ITGA1: variants seen among roughly 807,000 people sequenced by gnomAD.
ITGA1 encodes integrin alpha-1.
A neutral mutation model predicts 145.9 loss-of-function variants in ITGA1; 85 were observed. The observed-to-expected ratio is 0.58, with a 90% confidence interval of 0.49 to 0.70. ITGA1 has a LOEUF of 0.70. Ranked by LOEUF, ITGA1 falls within the 30% of genes least tolerant of loss-of-function variation. ITGA1 has a pLI of 0.00. For missense variants in ITGA1, 1,351 were observed against 1,418.7 expected (o/e 0.95, Z 0.77); for synonymous variants, 520 against 495.3 (o/e 1.05, Z -0.66).
At chr5:52,831,610 A>C (rs1210737369) in intron 1 of ITGA1, among the ~76,000 whole-genome samples, 1 of 152,044 alleles carries the variant, frequency 6.6e-6, no homozygotes, top group East Asian at 1.9e-4. Context: ...TATGGCTCCT[A>C]AGAATTTTTT....
chr5:52,934,030 G>A (rs1248782374), intron 23 of ITGA1, 34 bp downstream of exon 23: 1 of 867,736 alleles, frequency 1.2e-6, no homozygotes, highest in African/African-American at 1.7e-5. Flanking sequence ...TATTCTAAAG[G>A]AGTTATTTGT....
chr5:52,887,969 AGT>A lies in ITGA1; in HGVS notation c.924+9_924+10del. ...CATTCAACGGTTTTCCATAGCTGTA[AGT>A]GTGTTGCCGGAGATATTTTCAAACT... On this transcript the variant is annotated splice_donor_5th_base_variant and intron_variant, in intron 8 of 28. Transcript: ENST00000282588. The A allele has an allele frequency of 1.2e-6, 2 of 1,611,008 alleles. No homozygotes were observed. The highest frequency in any genetic ancestry group is 1.7e-6 in the Non-Finnish European group (2 of 1,177,800).
chr5:52,801,522 C>G, intron 1 of ITGA1: 2 of 1,614,136 alleles, frequency 1.2e-6, no homozygotes, highest in Non-Finnish European at 1.7e-6. Flanking sequence ...CCTTGGATGA[C>G]TTCTATAAAA....
In ITGA1 at chr5:52,821,046, T is replaced by C. The variant is rs10055613; in HGVS notation, c.62-28319T>C. Among the ~76,000 whole-genome samples, 1,015 of 152,290 alleles carry C rather than the reference T, an allele frequency of 6.7e-3. 12 individuals are homozygous for C. Among genetic ancestry groups the C allele is most frequent in the African/African-American group, 0.023 (965 of 41,562 alleles). On this transcript the variant is annotated intron_variant, in intron 1 of 28. Coordinates refer to ENST00000282588, the MANE Select transcript of ITGA1 (RefSeq NM_181501.2). ...TGTGTATGTGCATGTGTTTCTGCCA[T>C]TACAGTCATTGTATGAAACAATTAT...
chr5:52,896,306 G>A (rs748404856), intron 9 of ITGA1, among the ~76,000 whole-genome samples: 13 of 152,146 alleles, frequency 8.5e-5, no homozygotes, highest in Middle Eastern at 3.2e-3. Flanking sequence ...GCAGGTTTCC[G>A]TTGCTGCATT....
intron 23 of ITGA1, among the ~76,000 whole-genome samples, chr5:52,936,968 G>T (rs770767938): frequency 6.6e-6 from 1 of 151,460 alleles, no homozygotes. Context: ...AAGGAATTAT[G>T]GCAAACTGGG....
intron 1 of ITGA1, 29 bp from the exon 2 acceptor site, chr5:52,849,336 T>C (rs1749389568): frequency 1.3e-6 from 2 of 1,577,670 alleles, no homozygotes; most frequent in African/African-American, 2.7e-5. Context: ...GTTAACTCTA[T>C]GTAACTGGAT....
In ITGA1 at chr5:52,952,508, C is replaced by G. The variant is rs1343097438; in HGVS notation, c.*57C>G. On this transcript the variant is annotated 3_prime_UTR_variant, in exon 29 of 29. Coordinates refer to ENST00000282588, the MANE Select transcript of ITGA1 (RefSeq NM_181501.2). ...TTCAATAATCTATCCTCAGGTTTGCCTCAAATATGTGACAAGAAATGTATA... is the reference window on the plus strand; with the variant it reads ...TTCAATAATCTATCCTCAGGTTTGCGTCAAATATGTGACAAGAAATGTATA... The G allele has an allele frequency of 1.3e-6, 1 of 781,456 alleles. No individual in the cohort carries two copies. The highest frequency in any genetic ancestry group is 2.0e-6 in the Non-Finnish European group (1 of 498,020). The allele number at this position is 781,456 out of a possible 1,614,324, so 48.4% of individuals were successfully genotyped here. A position where few individuals can be genotyped will look rare whatever the true frequency, so the allele number is the denominator to read the frequency against.
intron 1 of ITGA1, among the ~76,000 whole-genome samples, chr5:52,806,142 G>A (rs1405048497): frequency 2.6e-5 from 4 of 151,908 alleles, no homozygotes; most frequent in Non-Finnish European, 5.9e-5. Flanking sequence ...CAGTATTTTA[G>A]AAAAGTGCTC....
intron 1 of ITGA1, among the ~76,000 whole-genome samples, chr5:52,829,310 T>C (rs2456212): frequency 0.98 from 148,638 of 152,280 alleles, 72,696 homozygotes; most frequent in Non-Finnish European, 1. Flanking sequence ...TAGATCACTT[T>C]AGGCCAGGAG....
chr5:52,837,621 T>C (rs187715644), intron 1 of ITGA1, among the ~76,000 whole-genome samples: 2 of 152,094 alleles, frequency 1.3e-5, no homozygotes, highest in African/African-American at 4.8e-5. Flanking sequence ...ATCAGAATGC[T>C]TCCATTTAAG....
At chr5:52,913,261 C>T (rs1176934865) in intron 14 of ITGA1, among the ~76,000 whole-genome samples, 2 of 152,140 alleles carry the variant, frequency 1.3e-5, no homozygotes, top group African/African-American at 2.4e-5. Flanking sequence ...TATGACTTAA[C>T]CAATAAAGGA....
chr5:52,882,975 G>A (rs1353252343), intron 7 of ITGA1: 1 of 152,170 alleles, frequency 6.6e-6, no homozygotes, highest in African/African-American at 2.4e-5. Flanking sequence ...TGCAAAGAAT[G>A]GATTGGATAT....
intron 1 of ITGA1, among the ~76,000 whole-genome samples, chr5:52,848,832 G>GT (rs1412720694): frequency 2.6e-5 from 4 of 151,544 alleles, no homozygotes; most frequent in Non-Finnish European, 5.9e-5. Flanking sequence ...GCGGTGTTTG[G>GT]TTTTTTGTCC....
At chr5:52,952,141 G>T (rs911349006) in intron 28 of ITGA1, among the ~76,000 whole-genome samples, 5 of 148,176 alleles carry the variant, frequency 3.4e-5, no homozygotes, top group African/African-American at 1.2e-4. Context: ...AGTGAGCGGA[G>T]ATCACGCCAC....
At chr5:52,920,585 T>C in intron 17 of ITGA1, 117 bp downstream of exon 17, 1 of 818,410 alleles carries the variant, frequency 1.2e-6, no homozygotes, top group Non-Finnish European at 1.8e-6. Context: ...TATGATGTCA[T>C]AAAGGAAATC....
chr5:52,948,567 C>G (rs1338164852), intron 28 of ITGA1, among the ~76,000 whole-genome samples: 1 of 152,150 alleles, frequency 6.6e-6, no homozygotes, highest in African/African-American at 2.4e-5. Flanking sequence ...GAATCCATGG[C>G]TTTTCTCTAG....
chr5:52,804,509 A>C (rs992787625), intron 1 of ITGA1, among the ~76,000 whole-genome samples: 7 of 152,184 alleles, frequency 4.6e-5, no homozygotes, highest in African/African-American at 1.7e-4. Flanking sequence ...CTGCTCCCAG[A>C]TGCCACTAGA....
intron 19 of ITGA1, 23 bp from the exon 20 acceptor site, chr5:52,927,561 T>C (rs368721500): frequency 2.6e-6 from 4 of 1,541,592 alleles, no homozygotes; most frequent in African/African-American, 1.4e-5. Flanking sequence ...TCCACTCTGA[T>C]TCTGTTTGCT....
Sources: gnomAD v4.1 joint callset for allele counts (sites outside exome capture counted in the v4.1 genomes callset) on GRCh38, gnomAD v4.1.1 for gene constraint, MANE v1.5 for transcripts, NCBI Gene and HGNC (gene_info 2026-07-23, HGNC 2026-07-21) for gene names.